Variants in GPATCH8 observed in about 807,000 individuals in gnomAD.
The protein encoded by GPATCH8 is G patch domain-containing protein 8.
In GPATCH8, 18 loss-of-function variants were observed where a neutral mutation model predicts 118.3. That is an observed-to-expected ratio of 0.15 (90% CI 0.11 to 0.23). The LOEUF (loss-of-function observed/expected upper bound fraction) is 0.23, where lower values mean the gene tolerates loss of function less well. Ranked by LOEUF, GPATCH8 falls within the 10% of genes least tolerant of loss-of-function variation. The pLI, the probability that GPATCH8 is intolerant of heterozygous loss-of-function variation, is 1.00. For synonymous variants in GPATCH8, 659 were observed against 684.7 expected, an observed-to-expected ratio of 0.96 and a Z score of 0.59; for missense variants, 1,631 against 1,873.8, an observed-to-expected ratio of 0.87 and a Z score of 2.39.
At chr17:44,455,551 T>C (rs959898708) in intron 3 of GPATCH8, among the ~76,000 whole-genome samples, 1 of 151,860 alleles carries the variant, frequency 6.6e-6, no homozygotes, top group African/African-American at 2.4e-5. Context: ...TTAATATCTA[T>C]TTCATTAAAT....
chr17:44,437,283 TTAAAC>T (rs1386050587), intron 3 of GPATCH8, among the ~76,000 whole-genome samples: 7 of 152,096 alleles, frequency 4.6e-5, no homozygotes, highest in East Asian at 1.9e-4. Flanking sequence ...AAAATTGACT[TTAAAC>T]TAATTGATCT....
intron 3 of GPATCH8, among the ~76,000 whole-genome samples, chr17:44,456,260 G>A (rs1390219102): frequency 2.6e-5 from 4 of 152,162 alleles, no homozygotes; most frequent in Non-Finnish European, 5.9e-5. Context: ...AGGACTACAG[G>A]CGTGTGCCAT....
chr17:44,495,028 C>T (rs182299725), intron 1 of GPATCH8, among the ~76,000 whole-genome samples: 6 of 152,210 alleles, frequency 3.9e-5, no homozygotes, highest in Admixed American at 2.6e-4. Flanking sequence ...AGCTTAAATG[C>T]TAACTTCTTC....
chr17:44,469,117 T>C (rs1967071855), intron 2 of GPATCH8, among the ~76,000 whole-genome samples: 1 of 152,168 alleles, frequency 6.6e-6, no homozygotes, highest in South Asian at 2.1e-4. Context: ...AAATATATCA[T>C]TAAAATGCTA....
In GPATCH8 at chr17:44,477,810, T is replaced by G. The variant is rs1027646470; in HGVS notation, c.46-2907A>C. On this transcript the variant is annotated intron_variant, in intron 1 of 7. Coordinates refer to ENST00000591680, the MANE Select transcript of GPATCH8 (RefSeq NM_001002909.4). ...AAACAGCTATTAATCCTGAAAGTCTTTTTGTTTTGTTTTGTTTGAGATGGA... is the reference window on the plus strand; with the variant it reads ...AAACAGCTATTAATCCTGAAAGTCTGTTTGTTTTGTTTTGTTTGAGATGGA... Among the ~76,000 whole-genome samples the G allele has an allele frequency of 7.9e-5, 12 of 152,080 alleles. No homozygotes were observed. The East Asian group carries it at 1.3e-3, about 17-fold the overall frequency.
At position 44,399,647 on chromosome 17, in the gene GPATCH8, C is replaced by T; in HGVS notation, c.2430G>A (p.Arg810=). ...GTKRSSRSSH[R]SQPSSGDEDS... is the part of the protein sequence containing the mutation. ...CCTCATCTCCACTACTGGGTTGGCT[C>T]CGATGGCTAGACCGGCTGCTCCGTT... is the stretch of plus-strand genomic sequence containing the variant. The change falls in exon 8 of 8, where the codon CGG becomes CGA. Residue 810 remains arginine, a synonymous_variant. Transcript: ENST00000591680. The T allele has an allele frequency of 6.2e-7, 1 of 1,614,216 alleles. No individual in the cohort carries two copies. The highest frequency in any genetic ancestry group is 8.5e-7 in the Non-Finnish European group (1 of 1,180,032).
At chr17:44,496,672 G>T (rs1969688897) in intron 1 of GPATCH8, among the ~76,000 whole-genome samples, 1 of 152,154 alleles carries the variant, frequency 6.6e-6, no homozygotes, top group Non-Finnish European at 1.5e-5. Flanking sequence ...TATCTATGGG[G>T]CTTACTAAAT....
intron 6 of GPATCH8, among the ~76,000 whole-genome samples, chr17:44,422,395 G>A (rs1433216724): frequency 6.6e-6 from 1 of 151,988 alleles, no homozygotes; most frequent in African/African-American, 2.4e-5. Context: ...CTTGTACATT[G>A]CTCAGGGTGG....
At chr17:44,401,527 T>A in intron 7 of GPATCH8, 74 bp from the exon 8 acceptor site, 1 of 909,040 alleles carries the variant, frequency 1.1e-6, no homozygotes, top group Non-Finnish European at 1.9e-6. Flanking sequence ...TATAAAATAC[T>A]AATCTCTTAT....
intron 3 of GPATCH8, among the ~76,000 whole-genome samples, chr17:44,450,904 C>T (rs370287138): frequency 2.0e-5 from 3 of 152,268 alleles, no homozygotes; most frequent in African/African-American, 7.2e-5. Flanking sequence ...AGACTTTTCA[C>T]TTGTTAATTA....
Position 44,399,959 on chromosome 17 carries a change from C to T in GPATCH8, c.2118G>A (p.Glu706=), listed in dbSNP as rs1452451713. The T allele has an allele frequency of 2.5e-6, 4 of 1,613,992 alleles. No homozygotes were observed. Among genetic ancestry groups the T allele is most frequent in the Non-Finnish European group, 3.4e-6 (4 of 1,180,012 alleles). The change falls in exon 8 of 8, where the codon GAG becomes GAA. Residue 706 remains glutamate, a synonymous_variant. Coordinates refer to ENST00000591680, the MANE Select transcript of GPATCH8 (RefSeq NM_001002909.4). ...TTCGTTTCTTGCGCTTCTTAGATTT[C>T]TCCCCTGACTCTGCCTTAGAGCTTT... The part of the protein sequence containing the change: ...EEKSSKAESG[E]KSKKRKKRKR...
At chr17:44,435,995 C>T (rs1356626069) in intron 4 of GPATCH8, among the ~76,000 whole-genome samples, 2 of 130,770 alleles carry the variant, frequency 1.5e-5, no homozygotes, top group East Asian at 4.5e-4. Flanking sequence ...CGCCATTGCA[C>T]TCTAGCCTGG....
In GPATCH8 at chr17:44,454,862, ATATTT is replaced by A. The variant is rs565882095; in HGVS notation, c.193+9605_193+9609del. ...AAAGGTCAAAGGCTCTACAAGCTCT[ATATTT>A]TATTTTATTAAATGTGGATTGTGAA... On this transcript the variant is annotated intron_variant, in intron 3 of 7. Coordinates refer to ENST00000591680, the MANE Select transcript of GPATCH8 (RefSeq NM_001002909.4). Among the ~76,000 whole-genome samples the A allele has an allele frequency of 1.6e-4, 25 of 152,342 alleles. No homozygotes were observed. The East Asian group carries it at 4.8e-3, about 29-fold the overall frequency.
intron 1 of GPATCH8, among the ~76,000 whole-genome samples, chr17:44,492,521 G>A (rs892487221): frequency 5.9e-5 from 9 of 151,910 alleles, no homozygotes; most frequent in South Asian, 4.1e-4. Context: ...GCAGTGAGCC[G>A]AGATGTAGTC....
At chr17:44,425,296 C>T (rs531545155) in intron 5 of GPATCH8, among the ~76,000 whole-genome samples, 2 of 152,132 alleles carry the variant, frequency 1.3e-5, no homozygotes, top group East Asian at 1.9e-4. Context: ...GCAGACTGAC[C>T]TAAAAAAGAT....
chr17:44,401,350 C>A lies in GPATCH8; in HGVS notation c.727G>T (p.Ala243Ser), dbSNP rs996610107. 2 of 1,611,096 alleles carry A rather than the reference C, an allele frequency of 1.2e-6. No homozygotes were observed. The highest frequency in any genetic ancestry group is 2.7e-5 in the African/African-American group (2 of 74,710). Residue 243 changes from alanine (A) to serine (S), a missense_variant, in exon 8 of 8, where the codon GCC (alanine) becomes TCC (serine). Transcript: ENST00000591680. ...DESATNSGTG[A>S]TASCGLGSEF... ...GATCCCAGGCCACAAGAAGCAGTGGCACCTGTGCCACTATTTGTAGCTGAT... is the reference window on the plus strand; with the variant it reads ...GATCCCAGGCCACAAGAAGCAGTGGAACCTGTGCCACTATTTGTAGCTGAT...
At chr17:44,444,580 C>T (rs1003395173) in intron 3 of GPATCH8, among the ~76,000 whole-genome samples, 2 of 152,116 alleles carry the variant, frequency 1.3e-5, no homozygotes, top group Non-Finnish European at 2.9e-5. Context: ...CGAGATCAGC[C>T]TGGCCAACAT....
chr17:44,460,049 T>G (rs1416320040), intron 3 of GPATCH8, among the ~76,000 whole-genome samples: 1 of 152,204 alleles, frequency 6.6e-6, no homozygotes, highest in Non-Finnish European at 1.5e-5. Context: ...CTACACCTAT[T>G]GACTAAATGT....
In GPATCH8 at chr17:44,464,453, GGTAAAT is replaced by G; in HGVS notation, c.193+13_193+18del. ...GAAATGGTTTTCTTCCTTTTTCTCT[GGTAAAT>G]GTAAACACTTACCCTGAAGAGATTT... On this transcript the variant is annotated intron_variant, in intron 3 of 7. Transcript: ENST00000591680. The G allele has an allele frequency of 7.2e-7, 1 of 1,397,184 alleles. No homozygotes were observed. The highest frequency in any genetic ancestry group is 1.0e-6 in the Non-Finnish European group (1 of 981,900). The allele number at this position is 1,397,184 out of a possible 1,614,324, so 86.5% of individuals were successfully genotyped here. A position where few individuals can be genotyped will look rare whatever the true frequency, so the allele number is the denominator to read the frequency against.
Sources: gnomAD v4.1 joint callset for allele counts (sites outside exome capture counted in the v4.1 genomes callset) on GRCh38, gnomAD v4.1.1 for gene constraint, MANE v1.5 for transcripts, NCBI Gene and HGNC (gene_info 2026-07-23, HGNC 2026-07-21) for gene names.